Variants in NLRP9 observed in about 807,000 individuals in gnomAD.
The protein encoded by NLRP9 is NLR family pyrin domain containing 9.
Under a neutral mutation model 83.1 loss-of-function variants are expected in NLRP9, and 88 were observed. That is an observed-to-expected ratio of 1.06 (90% CI 0.89 to 1.26). The LOEUF (loss-of-function observed/expected upper bound fraction) is 1.26, where lower values mean the gene tolerates loss of function less well. Among genes scored for constraint, NLRP9 ranks in the 50% most tolerant of loss-of-function variants. The probability of loss-of-function intolerance (pLI) is 0.00; values close to 1 mark genes in which losing one functional copy is unlikely to be tolerated. For synonymous variants in NLRP9, 521 were observed against 447.6 expected (o/e 1.16, Z -2.07); for missense variants, 1,308 against 1,179.3 (o/e 1.11, Z -1.60).
At chr19:55,713,319 G>A (rs1194320213) in intron 6 of NLRP9, among the ~76,000 whole-genome samples, 2 of 151,696 alleles carry the variant, frequency 1.3e-5, no homozygotes, top group African/African-American at 2.4e-5. Context: ...GGTAGATAGA[G>A]GACAGAGGAT....
intron 3 of NLRP9, among the ~76,000 whole-genome samples, chr19:55,727,783 C>A (rs548701203): frequency 7.2e-5 from 11 of 152,256 alleles, no homozygotes; most frequent in Admixed American, 3.9e-4. Flanking sequence ...GTAAACGCAT[C>A]CCCATCCATC....
At chr19:55,717,012 T>C in intron 4 of NLRP9, 114 bp from the exon 5 acceptor site, 1 of 731,802 alleles carries the variant, frequency 1.4e-6, no homozygotes, top group Non-Finnish European at 2.3e-6. Context: ...CGATCCATTA[T>C]CTACACTACA....
At position 55,729,862 on chromosome 19, in the gene NLRP9, C is replaced by A; in HGVS notation, c.1963G>T (p.Ala655Ser). 6.2e-7 allele frequency: 1 copy of A among 1,613,618 alleles called. No individual in the cohort carries two copies. The highest frequency in any genetic ancestry group is 8.5e-7 in the Non-Finnish European group (1 of 1,179,700). Residue 655 changes from alanine to serine, a missense_variant, in exon 3 of 9, where the codon GCT becomes TCT. Physicochemically the swap from Ala to Ser is moderately conservative, Grantham distance 99. Coordinates refer to ENST00000332836, the MANE Select transcript of NLRP9 (RefSeq NM_176820.4). ...PSLAILCKAL[A>S]QPVCKLRKLI... ...TTTCGGAGTTTACAAACAGGCTGAG[C>A]CAGCGCTTTGCAAAGAATCGCCAGG...
chr19:55,719,037 C>A (rs150716915), intron 4 of NLRP9, among the ~76,000 whole-genome samples: 1 of 152,188 alleles, frequency 6.6e-6, no homozygotes, highest in African/African-American at 2.4e-5. Flanking sequence ...AGATCCCACA[C>A]GGTAGGAGCT....
chr19:55,718,133 G>C (rs1377655334), intron 4 of NLRP9, among the ~76,000 whole-genome samples: 1 of 152,188 alleles, frequency 6.6e-6, no homozygotes, highest in Non-Finnish European at 1.5e-5. Context: ...AGTATACTTG[G>C]TAAAAGTCAT....
intron 1 of NLRP9, among the ~76,000 whole-genome samples, chr19:55,734,209 C>T (rs977287174): frequency 2.6e-5 from 4 of 151,538 alleles, no homozygotes; most frequent in Non-Finnish European, 4.4e-5. Flanking sequence ...AGGCGTGAGC[C>T]ACCGCGCCCG....
intron 8 of NLRP9, among the ~76,000 whole-genome samples, chr19:55,710,254 T>C (rs911434664): frequency 2.9e-4 from 44 of 152,146 alleles, no homozygotes; most frequent in Non-Finnish European, 1.0e-4. Context: ...CTTAAGTACC[T>C]GGCCTGTCCC....
intron 8 of NLRP9, among the ~76,000 whole-genome samples, chr19:55,710,909 A>T (rs1334148983): frequency 6.6e-6 from 1 of 152,110 alleles, no homozygotes; most frequent in Non-Finnish European, 1.5e-5. Context: ...AACATGGTGA[A>T]ACCCCGTCTC....
intron 1 of NLRP9, 26 bp from the exon 2 acceptor site, chr19:55,733,576 G>T: frequency 7.6e-7 from 1 of 1,313,486 alleles, no homozygotes; most frequent in Non-Finnish European, 1.1e-6. Flanking sequence ...CAGGATATAA[G>T]ATAGGTAAAA....
intron 3 of NLRP9, among the ~76,000 whole-genome samples, chr19:55,724,866 T>C (rs1407740112): frequency 6.6e-6 from 1 of 152,176 alleles, no homozygotes; most frequent in Non-Finnish European, 1.5e-5. Context: ...GAGACCAGCC[T>C]GGGCAACAAG....
chr19:55,737,001 T>C (rs180866421), intron 1 of NLRP9, among the ~76,000 whole-genome samples: 1 of 151,096 alleles, frequency 6.6e-6, no homozygotes, highest in Non-Finnish European at 1.5e-5. Context: ...GTAACAGAAG[T>C]TGATGGAACT....
chr19:55,722,010 C>T (rs189955733), intron 4 of NLRP9, among the ~76,000 whole-genome samples: 2 of 152,128 alleles, frequency 1.3e-5, no homozygotes, highest in Non-Finnish European at 2.9e-5. Flanking sequence ...CACTTGGTCT[C>T]TATCCACCAG....
At chr19:55,711,058 C>T (rs1301429324) in intron 8 of NLRP9, among the ~76,000 whole-genome samples, 1 of 150,482 alleles carries the variant, frequency 6.6e-6, no homozygotes, top group Non-Finnish European at 1.5e-5. Flanking sequence ...TGCACTCCAG[C>T]CTGGATGACA....
In NLRP9 at chr19:55,723,963, G is replaced by T; in HGVS notation, c.2159+17C>A. ...CTTGGAAAGAAACAGCACTCGGCAT[G>T]AACAGCCCGGACTTACATCAGCTCT... On this transcript the variant is annotated intron_variant, in intron 4 of 8. Coordinates refer to ENST00000332836, the MANE Select transcript of NLRP9 (RefSeq NM_176820.4). The T allele has an allele frequency of 1.3e-6, 2 of 1,597,728 alleles. No individual in the cohort carries two copies. Among genetic ancestry groups the T allele is most frequent in the South Asian group, 2.3e-5 (2 of 87,804 alleles).
chr19:55,716,929 C>T (rs1037165095), intron 4 of NLRP9, 31 bp from the exon 5 acceptor site: 1 of 1,592,100 alleles, frequency 6.3e-7, no homozygotes, highest in African/African-American at 1.3e-5. Flanking sequence ...ATGAGACGGA[C>T]CAAAGCTTTC....
intron 3 of NLRP9, among the ~76,000 whole-genome samples, chr19:55,725,755 G>A (rs1008283142): frequency 2.0e-4 from 31 of 152,258 alleles, no homozygotes; most frequent in East Asian, 1.5e-3. Flanking sequence ...GGCCGGGCGC[G>A]GTGGCTCCCG....
chr19:55,725,864 T>C (rs1307448169), intron 3 of NLRP9, among the ~76,000 whole-genome samples: 1 of 151,692 alleles, frequency 6.6e-6, no homozygotes, highest in Admixed American at 6.6e-5. Flanking sequence ...CCATCTCTAC[T>C]AAAATACAAA....
At chr19:55,720,743 CATAGAAG>C (rs1264250690) in intron 4 of NLRP9, among the ~76,000 whole-genome samples, 1 of 152,146 alleles carries the variant, frequency 6.6e-6, no homozygotes, top group Admixed American at 6.5e-5. Flanking sequence ...AACCAAACCA[CATAGAAG>C]ATATTTGCAA....
In NLRP9 at chr19:55,732,356, C is replaced by A; in HGVS notation, c.1475G>T (p.Gly492Val). 6.2e-7 allele frequency: 1 copy of A among 1,614,178 alleles called. No homozygotes were observed. Among genetic ancestry groups the A allele is most frequent in the Non-Finnish European group, 8.5e-7 (1 of 1,180,012 alleles). Reference sequence around the variant, plus strand: ...TGTTGAAATTCCAAACATGAATATCCCCACCTGGGTCAAGAGGGTTTGAGG... The same window carrying A: ...TGTTGAAATTCCAAACATGAATATCACCACCTGGGTCAAGAGGGTTTGAGG... ...VQPQTLLTQV[G>V]IFMFGISTEE... Residue 492 changes from glycine to valine, a missense_variant, in exon 2 of 9, where the codon GGG (glycine) becomes GTG (valine). Coordinates refer to ENST00000332836, the MANE Select transcript of NLRP9 (RefSeq NM_176820.4).
Sources: allele counts gnomAD v4.1 joint callset (sites outside exome capture counted in the v4.1 genomes callset), GRCh38; gene constraint gnomAD v4.1.1; transcripts MANE v1.5; gene names NCBI Gene and HGNC (gene_info 2026-07-23, HGNC 2026-07-21).